Variants in CDH18 observed in about 807,000 individuals in gnomAD.
CDH18 encodes the protein cadherin 18.
Under a neutral mutation model 67.9 loss-of-function variants are expected in CDH18, and 31 were observed. The ratio of observed to expected loss-of-function variants is 0.46; its 90% CI spans 0.34 to 0.62. The LOEUF (loss-of-function observed/expected upper bound fraction) is 0.62. Among genes scored for constraint, CDH18 ranks in the 20% least tolerant of loss-of-function variants. The pLI, the probability that CDH18 is intolerant of heterozygous loss-of-function variation, is 0.01. For synonymous variants in CDH18, 362 were observed against 347.2 expected, an observed-to-expected ratio of 1.04 and a Z score of -0.48; for missense variants, 890 against 975.5, an observed-to-expected ratio of 0.91 and a Z score of 1.17.
At chr5:20,014,032 T>C (rs1737678157) in intron 2 of CDH18, among the ~76,000 whole-genome samples, 1 of 152,072 alleles carries the variant, frequency 6.6e-6, no homozygotes, top group Non-Finnish European at 1.5e-5. Context: ...TATACAAAAA[T>C]ACCAATGACA....
At chr5:19,800,492 G>A (rs1777342882) in intron 3 of CDH18, among the ~76,000 whole-genome samples, 1 of 152,006 alleles carries the variant, frequency 6.6e-6, no homozygotes, top group Admixed American at 6.6e-5. Flanking sequence ...ACCCAAAGAG[G>A]GGTTTTCTGT....
chr5:20,339,443 ACT>A (rs1265261606), intron 1 of CDH18, among the ~76,000 whole-genome samples: 1 of 151,782 alleles, frequency 6.6e-6, no homozygotes, highest in Non-Finnish European at 1.5e-5. Flanking sequence ...TATAGCATTG[ACT>A]CAGCCCTACT....
chr5:20,125,006 G>A (rs866444504), intron 2 of CDH18, among the ~76,000 whole-genome samples: 4 of 152,164 alleles, frequency 2.6e-5, no homozygotes, highest in Non-Finnish European at 5.9e-5. Context: ...AAAATCTGGT[G>A]TCAGAGACTG....
chr5:19,940,861 C>T (rs1331281915), intron 2 of CDH18, among the ~76,000 whole-genome samples: 3 of 152,136 alleles, frequency 2.0e-5, no homozygotes, highest in South Asian at 4.1e-4. Flanking sequence ...CATATTTTTT[C>T]CCCAAGTAGA....
intron 2 of CDH18, among the ~76,000 whole-genome samples, chr5:20,034,771 T>C (rs1019893175): frequency 6.6e-6 from 1 of 151,980 alleles, no homozygotes; most frequent in Non-Finnish European, 1.5e-5. Context: ...TATGAACCAA[T>C]TACTTACAAT....
chr5:20,093,087 T>C (rs925914460), intron 2 of CDH18, among the ~76,000 whole-genome samples: 22 of 151,896 alleles, frequency 1.4e-4, no homozygotes, highest in Non-Finnish European at 2.9e-4. Flanking sequence ...AATATTAATA[T>C]TGAGCAAGGA....
chr5:19,877,224 A>G (rs1003334369), intron 2 of CDH18, among the ~76,000 whole-genome samples: 1 of 152,158 alleles, frequency 6.6e-6, no homozygotes, highest in African/African-American at 2.4e-5. Flanking sequence ...CTGTAAAAAA[A>G]AAACCTATAT....
intron 6 of CDH18, among the ~76,000 whole-genome samples, chr5:19,601,806 T>C (rs1408479903): frequency 6.6e-6 from 1 of 151,796 alleles, no homozygotes; most frequent in Non-Finnish European, 1.5e-5. Flanking sequence ...CATATGAAAA[T>C]CAATTAATTT....
At chr5:20,354,956 C>G (rs1030938174) in intron 1 of CDH18, among the ~76,000 whole-genome samples, 1 of 152,114 alleles carries the variant, frequency 6.6e-6, no homozygotes, top group Non-Finnish European at 1.5e-5. Context: ...CAATATCTGA[C>G]CAGGACCACT....
chr5:20,014,789 C>T (rs549565465), intron 2 of CDH18, among the ~76,000 whole-genome samples: 3 of 152,206 alleles, frequency 2.0e-5, no homozygotes, highest in South Asian at 2.1e-4. Flanking sequence ...GTGAATGAGG[C>T]TGAAGCATAT....
In CDH18 at chr5:20,104,883, C is replaced by T. The variant is rs78079573; in HGVS notation, c.-517-112869G>A. Among the ~76,000 whole-genome samples the T allele has an allele frequency of 7.0e-3, 1,065 of 152,264 alleles. 13 individuals carry two copies. The highest frequency in any genetic ancestry group is 0.025 in the African/African-American group (1,022 of 41,548). ...ACCTACACCCACAAACATACACTTCCTATACCATTTATTGCTCTATTGAAT... is the reference window on the plus strand; with the variant it reads ...ACCTACACCCACAAACATACACTTCTTATACCATTTATTGCTCTATTGAAT... On this transcript the variant is annotated intron_variant, in intron 2 of 14. Coordinates refer to the CDH18 transcript ENST00000507958.
chr5:20,342,115 T>C (rs997559205), intron 1 of CDH18, among the ~76,000 whole-genome samples: 34 of 152,238 alleles, frequency 2.2e-4, no homozygotes, highest in Admixed American at 7.9e-4. Context: ...CATAAGATTT[T>C]ATCATATGAG....
At chr5:20,259,995 C>T (rs1744528059) in intron 1 of CDH18, among the ~76,000 whole-genome samples, 1 of 151,938 alleles carries the variant, frequency 6.6e-6, no homozygotes, top group African/African-American at 2.4e-5. Flanking sequence ...TGAGGTGCGA[C>T]TGCACAACCT....
At chr5:20,326,397 C>T (rs1738580795) in intron 1 of CDH18, among the ~76,000 whole-genome samples, 1 of 151,864 alleles carries the variant, frequency 6.6e-6, no homozygotes, top group Non-Finnish European at 1.5e-5. Flanking sequence ...AATATTTTAC[C>T]CAACTCTCTA....
chr5:19,700,475 T>C (rs979255720), intron 5 of CDH18, among the ~76,000 whole-genome samples: 1 of 152,176 alleles, frequency 6.6e-6, no homozygotes, highest in Non-Finnish European at 1.5e-5. Context: ...TTTGGGGAGA[T>C]AGAGAGATTT....
chr5:20,467,720 TG>T (rs1751740742), intron 1 of CDH18, among the ~76,000 whole-genome samples: 2 of 152,196 alleles, frequency 1.3e-5, no homozygotes, highest in African/African-American at 4.8e-5. Context: ...TGAATGGATG[TG>T]GTATGACAAG....
chr5:20,212,472 A>G (rs1391318241), intron 2 of CDH18, among the ~76,000 whole-genome samples: 2 of 152,070 alleles, frequency 1.3e-5, no homozygotes, highest in Non-Finnish European at 2.9e-5. Flanking sequence ...CAAGACACAT[A>G]ATTGTCAGAT....
chr5:19,735,077 T>A (rs572023790), intron 4 of CDH18, among the ~76,000 whole-genome samples: 151 of 152,266 alleles, frequency 9.9e-4, no homozygotes, highest in African/African-American at 3.6e-3. Context: ...TTGCAAAGCA[T>A]CTAACCAGGT....
intron 3 of CDH18, among the ~76,000 whole-genome samples, chr5:19,790,228 T>C (rs937158934): frequency 6.6e-6 from 1 of 152,142 alleles, no homozygotes; most frequent in African/African-American, 2.4e-5. Context: ...TTCTTAAACT[T>C]TCCTAGTCAA....
Sources: allele counts gnomAD v4.1 joint callset (sites outside exome capture counted in the v4.1 genomes callset), GRCh38; gene constraint gnomAD v4.1.1; transcripts MANE v1.5; gene names NCBI Gene and HGNC (gene_info 2026-07-23, HGNC 2026-07-21).